The following CPXM2 variants were observed in gnomAD, a reference collection of about 807,000 sequenced individuals.
CPXM2 encodes carboxypeptidase X, M14 family member 2.
A neutral mutation model predicts 86.1 loss-of-function variants in CPXM2; 66 were observed. That is an observed-to-expected ratio of 0.77 (90% CI 0.63 to 0.94). CPXM2 has a LOEUF of 0.94. CPXM2 is among the 40% of genes least tolerant of loss of function. The pLI, the probability that CPXM2 is intolerant of heterozygous loss-of-function variation, is 0.00. For synonymous variants in CPXM2, 388 were observed against 400.2 expected, an observed-to-expected ratio of 0.97 and a Z score of 0.36; for missense variants, 948 against 1,026.3, an observed-to-expected ratio of 0.92 and a Z score of 1.04.
chr10:123,922,708 G>A (rs1304537596), intron 2 of CPXM2, among the ~76,000 whole-genome samples: 1 of 152,214 alleles, frequency 6.6e-6, no homozygotes, highest in African/African-American at 2.4e-5. Context: ...ACTTGGCCAA[G>A]TGGGCAGAAA....
upstream of CPXM2, among the ~76,000 whole-genome samples, chr10:123,940,850 C>G (rs961749157): frequency 6.6e-6 from 1 of 152,170 alleles, no homozygotes; most frequent in Admixed American, 6.5e-5. Context: ...TGCTGCCGTC[C>G]AAAAGTGCCA....
intron 3 of CPXM2, among the ~76,000 whole-genome samples, chr10:123,844,851 C>T (rs1324037087): frequency 6.6e-6 from 1 of 151,982 alleles, no homozygotes; most frequent in Non-Finnish European, 1.5e-5. Context: ...TTCAAGATAC[C>T]TTTGGGAGGT....
At chr10:123,850,374 C>T (rs1274256190) in intron 3 of CPXM2, among the ~76,000 whole-genome samples, 1 of 152,216 alleles carries the variant, frequency 6.6e-6, no homozygotes, top group Non-Finnish European at 1.5e-5. Flanking sequence ...TTTCAGTTAT[C>T]TGAAGTCAAC....
At chr10:123,926,864 T>C (rs1218588262) in intron 2 of CPXM2, among the ~76,000 whole-genome samples, 2 of 152,234 alleles carry the variant, frequency 1.3e-5, no homozygotes, top group African/African-American at 4.8e-5. Context: ...TTTTATGTTA[T>C]GTGAAGAAAA....
At chr10:123,909,373 T>A (rs944728404) in intron 2 of CPXM2, among the ~76,000 whole-genome samples, 1 of 152,238 alleles carries the variant, frequency 6.6e-6, no homozygotes, top group Non-Finnish European at 1.5e-5. Context: ...CTTAATTTTT[T>A]TTCTTTAAAG....
At chr10:123,759,048 C>G (rs761765182) in intron 11 of CPXM2, among the ~76,000 whole-genome samples, 1 of 152,142 alleles carries the variant, frequency 6.6e-6, no homozygotes, top group Non-Finnish European at 1.5e-5. Flanking sequence ...TCATCAGCAA[C>G]GGGCCTCTGA....
chr10:123,864,211 G>A (rs889301217), intron 2 of CPXM2, among the ~76,000 whole-genome samples: 25 of 151,838 alleles, frequency 1.6e-4, no homozygotes, highest in Admixed American at 3.9e-4. Flanking sequence ...AGGAATAACC[G>A]GTCTGTCCTG....
At chr10:123,914,047 G>T in intron 2 of CPXM2, 1 of 493,506 alleles carries the variant, frequency 2.0e-6, no homozygotes, top group Non-Finnish European at 4.1e-6. Context: ...CAGGAAGTCA[G>T]TGTCATTTGG....
In CPXM2 at chr10:123,780,211, C is replaced by T; in HGVS notation, c.934G>A (p.Asp312Asn). 3.1e-6 allele frequency: 5 copies of T among 1,611,966 alleles called. No homozygotes were observed. Among genetic ancestry groups the T allele is most frequent in the Non-Finnish European group, 4.2e-6 (5 of 1,178,026 alleles). ...TTGTGGTGCTTAAAATCCAGGTCAT[C>T]AGTGGTGGTCATCTCGTTCCGGCGG... Reference protein sequence around the residue: ...YHRRNEMTTTDDLDFKHHNYK... With the variant: ...YHRRNEMTTTNDLDFKHHNYK... Residue 312 changes from aspartate (D) to asparagine (N), a missense_variant, in exon 7 of 14, where the codon GAT becomes AAT. Transcript: ENST00000241305.
At chr10:123,852,208 C>A (rs543986457) in intron 3 of CPXM2, among the ~76,000 whole-genome samples, 1 of 152,300 alleles carries the variant, frequency 6.6e-6, no homozygotes, top group South Asian at 2.1e-4. Flanking sequence ...TCCTCTCCTT[C>A]CCAGGACTCA....
At chr10:123,898,811 C>G (rs150489770) in intron 2 of CPXM2, among the ~76,000 whole-genome samples, 4 of 152,200 alleles carry the variant, frequency 2.6e-5, no homozygotes, top group Non-Finnish European at 5.9e-5. Context: ...ATGGCACGAT[C>G]TTGCCTCACT....
At chr10:123,806,169 T>C (rs1429894772) in intron 4 of CPXM2, among the ~76,000 whole-genome samples, 1 of 152,204 alleles carries the variant, frequency 6.6e-6, no homozygotes, top group East Asian at 1.9e-4. Flanking sequence ...AGTATGCTGA[T>C]AGTACGCTTT....
At chr10:123,853,218 G>C (rs571687640) in intron 3 of CPXM2, among the ~76,000 whole-genome samples, 2 of 152,288 alleles carry the variant, frequency 1.3e-5, no homozygotes, top group South Asian at 4.2e-4. Context: ...AGTTTCCTGA[G>C]GCCTCCCAGA....
intron 2 of CPXM2, among the ~76,000 whole-genome samples, chr10:123,878,807 A>C (rs1275242948): frequency 1.3e-5 from 2 of 152,148 alleles, no homozygotes; most frequent in Non-Finnish European, 2.9e-5. Flanking sequence ...CCAACTCTCA[A>C]GGCCACGTCA....
chr10:123,883,378 G>A (rs1018047151), intron 1 of CPXM2, among the ~76,000 whole-genome samples: 6 of 152,202 alleles, frequency 3.9e-5, no homozygotes, highest in Admixed American at 3.9e-4. Context: ...GTCTGCCCCT[G>A]TACCCTCAGG....
intron 1 of CPXM2, among the ~76,000 whole-genome samples, chr10:123,889,246 G>C (rs577316451): frequency 6.6e-6 from 1 of 152,198 alleles, no homozygotes; most frequent in East Asian, 1.9e-4. Flanking sequence ...ACCTATCTTA[G>C]GAATGATGTC....
chr10:123,814,488 T>C (rs1847769755), intron 4 of CPXM2, among the ~76,000 whole-genome samples: 1 of 152,200 alleles, frequency 6.6e-6, no homozygotes, highest in Non-Finnish European at 1.5e-5. Context: ...TAATACTTAA[T>C]AAACTCCCCT....
intron 7 of CPXM2, among the ~76,000 whole-genome samples, chr10:123,771,720 C>A (rs997155347): frequency 6.6e-6 from 1 of 152,222 alleles, no homozygotes; most frequent in South Asian, 2.1e-4. Context: ...ATAATCCCCA[C>A]ATGTCATGAA....
intron 7 of CPXM2, among the ~76,000 whole-genome samples, chr10:123,773,045 T>C (rs1459361634): frequency 1.3e-5 from 2 of 148,820 alleles, no homozygotes; most frequent in East Asian, 2.1e-4. Context: ...GTGGTCATCA[T>C]TCCCCTGGTT....
Sources: allele counts gnomAD v4.1 joint callset (sites outside exome capture counted in the v4.1 genomes callset), GRCh38; gene constraint gnomAD v4.1.1; transcripts MANE v1.5; gene names NCBI Gene and HGNC (gene_info 2026-07-23, HGNC 2026-07-21).